CRYBG1: variants seen among roughly 807,000 people sequenced by gnomAD.
The protein encoded by CRYBG1 is crystallin beta-gamma domain containing 1, also known as beta/gamma crystallin domain-containing protein 1.
Under a neutral mutation model 189.2 loss-of-function variants are expected in CRYBG1, and 139 were observed. That is an observed-to-expected ratio of 0.73 (90% CI 0.64 to 0.85). CRYBG1 has a LOEUF of 0.85. Ranked by LOEUF, CRYBG1 falls within the 40% of genes least tolerant of loss-of-function variation. The pLI, the probability that CRYBG1 is intolerant of heterozygous loss-of-function variation, is 0.00. For missense variants in CRYBG1, 2,611 were observed against 2,675.8 expected (o/e 0.98, Z 0.53); for synonymous variants, 1,023 against 1,017.1 (o/e 1.01, Z -0.11).
intron 2 of CRYBG1, among the ~76,000 whole-genome samples, chr6:106,510,898 C>T (rs1375771922): frequency 1.3e-5 from 2 of 152,204 alleles, no homozygotes; most frequent in Non-Finnish European, 2.9e-5. Flanking sequence ...GTTGCAAGTA[C>T]TAGATGTTGA....
At chr6:106,556,674 A>G (rs1774554939) in intron 17 of CRYBG1, among the ~76,000 whole-genome samples, 3 of 152,212 alleles carry the variant, frequency 2.0e-5, no homozygotes, top group African/African-American at 7.2e-5. Context: ...CGTTTCTGAC[A>G]TTTTTATTAG....
intron 1 of CRYBG1, among the ~76,000 whole-genome samples, chr6:106,368,349 C>T (rs1013941054): frequency 2.0e-5 from 3 of 152,182 alleles, no homozygotes; most frequent in African/African-American, 7.2e-5. Flanking sequence ...CAGGAATGTC[C>T]ATGCAGAAGA....
intron 1 of CRYBG1, among the ~76,000 whole-genome samples, chr6:106,373,996 T>C (rs1160922312): frequency 6.6e-6 from 1 of 152,218 alleles, no homozygotes. Flanking sequence ...TGATGTATGG[T>C]TTTCAGTGAC....
In CRYBG1 at chr6:106,520,704, G is replaced by A. The variant is rs1239175400; in HGVS notation, c.3496G>A (p.Glu1166Lys). The A allele has an allele frequency of 6.2e-7, 1 of 1,614,080 alleles. No individual in the cohort carries two copies. Among genetic ancestry groups the A allele is most frequent in the Non-Finnish European group, 8.5e-7 (1 of 1,180,016 alleles). ...VFTFGLGKKK[E>K]SQPEMSPALH... ...TACCTTTGGTTTGGGGAAGAAGAAG[G>A]AAAGTCAGCCAGAAATGTCACCGGC... Residue 1166 changes from glutamate (E) to lysine (K), a missense_variant, in exon 4 of 22, where the codon GAA (glutamate) becomes AAA (lysine). Coordinates refer to ENST00000633556, the MANE Select transcript of CRYBG1 (RefSeq NM_001371242.2).
At chr6:106,372,347 G>A (rs752862985) in intron 1 of CRYBG1, among the ~76,000 whole-genome samples, 4 of 152,030 alleles carry the variant, frequency 2.6e-5, no homozygotes, top group Non-Finnish European at 5.9e-5. Context: ...GACTCCCTGG[G>A]CTCAGGTGAT....
Position 106,369,399 on chromosome 6 carries a change from A to G in CRYBG1, c.173+8318A>G, listed in dbSNP as rs151211259. Among the ~76,000 whole-genome samples the G allele has an allele frequency of 8.0e-4, 122 of 152,364 alleles. 1 individual carries two copies. Among genetic ancestry groups the G allele is most frequent in the Non-Finnish European group, 1.4e-3 (95 of 68,032 alleles). The stretch of plus-strand genomic sequence containing the variant: ...GCTGGTTGTGTTTATTGTTTGTGCC[A>G]TTTCAAGCTAGCAACCCTAACTGAG... On this transcript the variant is annotated intron_variant, in intron 1 of 21. Transcript: ENST00000633556.
intron 1 of CRYBG1, among the ~76,000 whole-genome samples, chr6:106,435,855 C>A (rs1045109811): frequency 3.3e-5 from 5 of 152,136 alleles, no homozygotes; most frequent in African/African-American, 1.2e-4. Flanking sequence ...GTGTGAACCA[C>A]GGTGCCCAGC....
At chr6:106,504,974 T>A (rs1188773722) in intron 2 of CRYBG1, among the ~76,000 whole-genome samples, 2 of 151,926 alleles carry the variant, frequency 1.3e-5, no homozygotes, top group Non-Finnish European at 2.9e-5. Flanking sequence ...TCATGTCTCA[T>A]AAAAGTCTTT....
intron 1 of CRYBG1, among the ~76,000 whole-genome samples, chr6:106,421,933 A>G (rs1771129956): frequency 6.6e-6 from 1 of 151,070 alleles, no homozygotes; most frequent in South Asian, 2.1e-4. Flanking sequence ...TAAAACCATC[A>G]GATTTCCTGA....
At chr6:106,461,795 G>T (rs1266648502) in intron 2 of CRYBG1, among the ~76,000 whole-genome samples, 2 of 152,254 alleles carry the variant, frequency 1.3e-5, no homozygotes, top group African/African-American at 2.4e-5. Context: ...TCCATGGGGG[G>T]TTCAACCTGC....
At chr6:106,430,113 A>T (rs1056674254) in intron 1 of CRYBG1, among the ~76,000 whole-genome samples, 3 of 152,170 alleles carry the variant, frequency 2.0e-5, no homozygotes, top group Non-Finnish European at 4.4e-5. Context: ...ATAAGAAATG[A>T]CCCAGTATAA....
rs144965951 is a variant in CRYBG1 at position 106,560,575 on chromosome 6, T to A, written c.5856-228T>A. 4.0e-3 allele frequency among the ~76,000 whole-genome samples: 616 copies of A among 152,330 alleles called. 13 individuals carry two copies. In the East Asian group the frequency reaches 0.058, roughly 14 times the overall value. ...CTTTACGGAGGAAAAAACTTACCTA[T>A]TTCTCTTCAAGAATGGAACTTTTTG... On this transcript the variant is annotated intron_variant, in intron 18 of 21. Transcript: ENST00000633556.
chr6:106,374,254 T>C (rs115358726), intron 1 of CRYBG1, among the ~76,000 whole-genome samples: 308 of 152,178 alleles, frequency 2.0e-3, no homozygotes, highest in African/African-American at 7.0e-3. Flanking sequence ...AAAAGAGATA[T>C]TCAAATATGC....
At chr6:106,460,238 G>T (rs372231384) in intron 2 of CRYBG1, among the ~76,000 whole-genome samples, 1 of 151,964 alleles carries the variant, frequency 6.6e-6, no homozygotes. Flanking sequence ...TGATCCGCCC[G>T]CCTCTGCCTC....
chr6:106,568,366 C>T, intron 21 of CRYBG1, 106 bp from the exon 22 acceptor site: 1 of 906,250 alleles, frequency 1.1e-6, no homozygotes. Context: ...AGTTCTACAC[C>T]TTGTTTACTT....
At chr6:106,398,383 G>T (rs1562296025) in intron 1 of CRYBG1, among the ~76,000 whole-genome samples, 1 of 152,120 alleles carries the variant, frequency 6.6e-6, no homozygotes, top group Admixed American at 6.6e-5. Flanking sequence ...GGCAGAGGTT[G>T]CAGTGGGCTG....
chr6:106,557,739 A>G (rs1774588287), intron 17 of CRYBG1, among the ~76,000 whole-genome samples: 1 of 152,162 alleles, frequency 6.6e-6, no homozygotes, highest in South Asian at 2.1e-4. Flanking sequence ...GGCCTCCCAC[A>G]TGCTTTTTAA....
chr6:106,568,012 C>T (rs371113544), intron 21 of CRYBG1, among the ~76,000 whole-genome samples: 3 of 152,190 alleles, frequency 2.0e-5, no homozygotes, highest in East Asian at 1.9e-4. Context: ...TGCTGTTCCT[C>T]GATAACCATT....
In CRYBG1 at chr6:106,407,433, A is replaced by G. The variant is rs1253621481; in HGVS notation, c.174-44261A>G. Among the ~76,000 whole-genome samples the G allele has an allele frequency of 5.9e-5, 9 of 152,322 alleles. No individual in the cohort carries two copies. The East Asian group carries it at 1.7e-3, about 29-fold the overall frequency. On this transcript the variant is annotated intron_variant, in intron 1 of 21. Transcript: ENST00000633556. ...GAGACTTTGACTCCCATACAATAAT[A>G]GTGGGAGACTTTAAAACCCCACTGT...
Sources: gnomAD v4.1 joint callset for allele counts (sites outside exome capture counted in the v4.1 genomes callset) on GRCh38, gnomAD v4.1.1 for gene constraint, MANE v1.5 for transcripts, NCBI Gene and HGNC (gene_info 2026-07-23, HGNC 2026-07-21) for gene names.